Variants in CFAP20DC observed in about 807,000 individuals in gnomAD.
CFAP20DC encodes CFAP20 domain containing.
Under a neutral mutation model 101.7 loss-of-function variants are expected in CFAP20DC, and 84 were observed. That is an observed-to-expected ratio of 0.83 (90% CI 0.69 to 0.99). The LOEUF (loss-of-function observed/expected upper bound fraction) is 0.99, where lower values mean the gene tolerates loss of function less well. Ranked by LOEUF, CFAP20DC falls within the 50% of genes least tolerant of loss-of-function variation. CFAP20DC has a pLI of 0.00. For missense variants in CFAP20DC, 1,007 were observed against 970.3 expected (o/e 1.04, Z -0.50); for synonymous variants, 359 against 351.2 (o/e 1.02, Z -0.25).
chr3:58,842,172 C>T (rs2077169808), intron 13 of CFAP20DC, among the ~76,000 whole-genome samples: 1 of 151,778 alleles, frequency 6.6e-6, no homozygotes, highest in Non-Finnish European at 1.5e-5. Flanking sequence ...CCAAGATGGC[C>T]GAATAGGAAC....
At chr3:58,801,286 C>T (rs149489827) in intron 15 of CFAP20DC, among the ~76,000 whole-genome samples, 65 of 152,272 alleles carry the variant, frequency 4.3e-4, no homozygotes, top group African/African-American at 1.3e-3. Flanking sequence ...ATGATAAAAA[C>T]AACAACTGAT....
At chr3:58,766,892 A>G (rs80323150) in intron 15 of CFAP20DC, among the ~76,000 whole-genome samples, 8,605 of 152,268 alleles carry the variant, frequency 0.057, 527 homozygotes, top group East Asian at 0.35. Flanking sequence ...TGGCTAAAGC[A>G]TCACACTCTT....
chr3:59,023,035 A>G (rs966867690), intron 4 of CFAP20DC, among the ~76,000 whole-genome samples: 9 of 152,158 alleles, frequency 5.9e-5, no homozygotes, highest in African/African-American at 2.2e-4. Context: ...TGCACTTCAT[A>G]CATGGCAGAG....
intron 4 of CFAP20DC, among the ~76,000 whole-genome samples, chr3:58,945,306 C>T (rs12107702): frequency 0.094 from 14,290 of 152,140 alleles, 2,228 homozygotes; most frequent in African/African-American, 0.32. Flanking sequence ...AGTAGAATGA[C>T]CTTTCCTCCT....
intron 7 of CFAP20DC, among the ~76,000 whole-genome samples, chr3:58,878,913 C>G (rs780376681): frequency 6.6e-6 from 1 of 151,538 alleles, no homozygotes; most frequent in African/African-American, 2.4e-5. Flanking sequence ...GAGGCTGAGG[C>G]GGGAGAACGG....
intron 12 of CFAP20DC, 119 bp from the exon 13 acceptor site, chr3:58,849,528 T>A: frequency 1.3e-6 from 1 of 741,648 alleles, no homozygotes; most frequent in Non-Finnish European, 2.1e-6. Context: ...CATCTATATA[T>A]AGATTTTACT....
chr3:58,870,404 A>G (rs1003955714), intron 7 of CFAP20DC, 95 bp from the exon 8 acceptor site: 1 of 1,268,978 alleles, frequency 7.9e-7, no homozygotes, highest in African/African-American at 1.5e-5. Flanking sequence ...CAGGTGCCAT[A>G]GGATCCAAAT....
intron 13 of CFAP20DC, among the ~76,000 whole-genome samples, chr3:58,834,865 C>T (rs780703163): frequency 6.6e-6 from 1 of 151,952 alleles, no homozygotes; most frequent in Non-Finnish European, 1.5e-5. Flanking sequence ...TAAATATATG[C>T]ACAAACATTT....
intron 4 of CFAP20DC, among the ~76,000 whole-genome samples, chr3:59,003,302 T>C (rs1406286118): frequency 6.6e-6 from 1 of 152,114 alleles, no homozygotes; most frequent in African/African-American, 2.4e-5. Context: ...AAACAACTTA[T>C]TGGTGGTTGT....
At chr3:58,753,606 A>G (rs2068720288) in intron 16 of CFAP20DC, 163 bp downstream of exon 16, 1 of 586,688 alleles carries the variant, frequency 1.7e-6, no homozygotes, top group African/African-American at 1.9e-5. Context: ...GTTGTAAAGA[A>G]CCCATTATTC....
At chr3:58,794,401 TA>T in intron 15 of CFAP20DC, 1 of 442,424 alleles carries the variant, frequency 2.3e-6, no homozygotes, top group Non-Finnish European at 4.6e-6. Flanking sequence ...TCAAATACAC[TA>T]AAAGATGTTT....
chr3:58,992,336 C>T (rs1041788236), intron 4 of CFAP20DC, among the ~76,000 whole-genome samples: 2 of 152,138 alleles, frequency 1.3e-5, no homozygotes, highest in African/African-American at 4.8e-5. Flanking sequence ...GCTGTAACAT[C>T]CAAGTATGTG....
chr3:59,017,500 T>C (rs1427840791), intron 4 of CFAP20DC: 1 of 152,178 alleles, frequency 6.6e-6, no homozygotes, highest in African/African-American at 2.4e-5. Context: ...GCAAATGGAA[T>C]ATACACTGCT....
intron 12 of CFAP20DC, among the ~76,000 whole-genome samples, chr3:58,853,379 A>G (rs2078438806): frequency 6.6e-6 from 1 of 152,176 alleles, no homozygotes. Flanking sequence ...GACCAGATGG[A>G]CTCACAGCCG....
Position 58,728,712 on chromosome 3 carries a change from C to T in CFAP20DC, c.198-11084G>A, listed in dbSNP as rs114683318. On this transcript the variant is annotated intron_variant, in intron 3 of 3. Coordinates refer to the CFAP20DC transcript ENST00000486145. The surrounding 1 kb of genome is among the most constrained non-coding windows in gnomAD (Gnocchi z 4.7). ...TGGTAAATGCATGAACTCTACACAC[C>T]GTATTGGAGAGAACTGACATTTTAA... Among the ~76,000 whole-genome samples, 147 of 152,214 alleles carry T rather than the reference C, an allele frequency of 9.7e-4. No individual in the cohort carries two copies. The highest frequency in any genetic ancestry group is 3.3e-3 in the African/African-American group (139 of 41,532).
rs769665679 is a variant in CFAP20DC at position 58,897,322 on chromosome 3, C to T, written c.551-12613G>A. Reference sequence around the variant, plus strand: ...ATACCATGAATCTTGGCTCATTATCCAGCTTGCCATTGTGTCTTTTAATGG... The same window carrying T: ...ATACCATGAATCTTGGCTCATTATCTAGCTTGCCATTGTGTCTTTTAATGG... On this transcript the variant is annotated intron_variant, in intron 6 of 16. Transcript: ENST00000482387. This position sits in a 1 kb window ranked among gnomAD's most constrained non-coding sequence, Gnocchi z 4.4. Among the ~76,000 whole-genome samples, 3 of 152,110 alleles carry T rather than the reference C, an allele frequency of 2.0e-5. No homozygotes were observed. The highest frequency in any genetic ancestry group is 2.9e-5 in the Non-Finnish European group (2 of 68,024).
chr3:58,949,881 C>G (rs1475704968), intron 4 of CFAP20DC, among the ~76,000 whole-genome samples: 1 of 152,184 alleles, frequency 6.6e-6, no homozygotes, highest in African/African-American at 2.4e-5. Context: ...TGCCCTCTCT[C>G]ACCACTCCTA....
In CFAP20DC at chr3:58,756,472, G is replaced by A. The variant is rs188435411; in HGVS notation, c.2238-2609C>T. Among the ~76,000 whole-genome samples, 637 of 152,046 alleles carry A rather than the reference G, an allele frequency of 4.2e-3. 2 individuals are homozygous for A. The highest frequency in any genetic ancestry group is 6.5e-3 in the Non-Finnish European group (441 of 67,958). Reference sequence around the variant, plus strand: ...TTCAATGTGAGTATATTAGTCATTCGAAATACAACGAAAGTCATCTGCTTC... The same window carrying A: ...TTCAATGTGAGTATATTAGTCATTCAAAATACAACGAAAGTCATCTGCTTC... On this transcript the variant is annotated intron_variant, in intron 15 of 16. Transcript: ENST00000482387.
intron 14 of CFAP20DC, 146 bp from the exon 15 acceptor site, chr3:58,806,602 TAGG>T: frequency 1.5e-6 from 1 of 655,760 alleles, no homozygotes; most frequent in East Asian, 2.9e-5. Flanking sequence ...GACGGCCGAA[TAGG>T]AACAGCTCCA....
Sources: allele counts gnomAD v4.1 joint callset (sites outside exome capture counted in the v4.1 genomes callset), GRCh38; gene constraint gnomAD v4.1.1; non-coding constraint Gnocchi (gnomAD v3.1); transcripts MANE v1.5; gene names NCBI Gene and HGNC (gene_info 2026-07-23, HGNC 2026-07-21).